The following VCAM1 variants were observed in gnomAD, a reference collection of about 807,000 sequenced individuals.
VCAM1 encodes the protein vascular cell adhesion molecule 1.
VCAM1 carries 41 observed loss-of-function variants against 63.8 expected under a neutral mutation model. That is an observed-to-expected ratio of 0.64 (90% CI 0.50 to 0.83). The LOEUF is 0.83. Ranked by LOEUF, VCAM1 falls within the 40% of genes least tolerant of loss-of-function variation. VCAM1 has a pLI of 0.00. For missense variants in VCAM1, 798 were observed against 875.5 expected (o/e 0.91, Z 1.12); for synonymous variants, 338 against 320.7 (o/e 1.05, Z -0.58).
At chr1:100,736,057 C>T (rs917523642) in intron 8 of VCAM1, 2 of 152,092 alleles carry the variant, frequency 1.3e-5, no homozygotes, top group Admixed American at 6.6e-5. Flanking sequence ...TAAGCCTAGC[C>T]CTGGGAAATT....
rs1660446305 is a variant in VCAM1 at position 100,731,310 on chromosome 1, A to G, written c.1317A>G (p.Glu439=). The change falls in exon 6 of 9, where the codon GAA becomes GAG. Residue 439 remains glutamate (E), a synonymous_variant. Transcript: ENST00000294728. The surrounding 1 kb of genome is among the most constrained non-coding windows in gnomAD (Gnocchi z 4.2). ...SVYPLDRLEI[E]LLKGETILEN... is the part of the protein sequence containing the mutation. ...ACCCCCTTGACCGGCTGGAGATTGA[A>G]TTACTTAAGGGGGAGACTATTCTGG... 1.2e-6 allele frequency: 2 copies of G among 1,613,850 alleles called. No individual in the cohort carries two copies. Among genetic ancestry groups the G allele is most frequent in the Non-Finnish European group, 1.7e-6 (2 of 1,179,856 alleles).
chr1:100,725,029 A>G (rs1372152550), intron 4 of VCAM1, 139 bp downstream of exon 4: 1 of 1,138,946 alleles, frequency 8.8e-7, no homozygotes, highest in Non-Finnish European at 1.2e-6. Flanking sequence ...TAGCACAAAT[A>G]TATGTTTATC....
Position 100,738,215 on chromosome 1 carries a change from T to C in VCAM1, c.2152T>C (p.Tyr718His). ...AATACCTGCCATTGGAATGATAATT[T>C]ACTTTGCAAGAAAAGCCAACATGAA... Reference protein sequence around the residue: ...LIIPAIGMIIYFARKANMKGS... With the variant: ...LIIPAIGMIIHFARKANMKGS... Residue 718 changes from tyrosine to histidine, a missense_variant, in exon 9 of 9, where the codon TAC (tyrosine) becomes CAC (histidine). Physicochemically the swap from Tyr to His is moderately conservative, Grantham distance 83 (BLOSUM62 2). Transcript: ENST00000294728. 1 of 1,613,868 alleles carries C rather than the reference T, an allele frequency of 6.2e-7. No homozygotes were observed. The highest frequency in any genetic ancestry group is 8.5e-7 in the Non-Finnish European group (1 of 1,179,800).
At chr1:100,720,867 A>G in intron 2 of VCAM1, 116 bp downstream of exon 2, 2 of 1,237,242 alleles carry the variant, frequency 1.6e-6, no homozygotes, top group Middle Eastern at 2.8e-4. Flanking sequence ...TTCTTGGCTA[A>G]AGAACATACA....
intron 5 of VCAM1, among the ~76,000 whole-genome samples, chr1:100,730,934 A>G (rs986208626): frequency 2.5e-4 from 38 of 152,162 alleles, no homozygotes; most frequent in African/African-American, 8.7e-4. Flanking sequence ...GCACACAGCA[A>G]GATTGCATAT....
chr1:100,734,848 G>T (rs947870599), intron 8 of VCAM1, 80 bp downstream of exon 8: 22 of 1,496,958 alleles, frequency 1.5e-5, no homozygotes, highest in Non-Finnish European at 1.8e-5. Flanking sequence ...AATATTTGAT[G>T]AATGAGTTGG....
At chr1:100,723,903 G>A (rs3176864) in intron 3 of VCAM1, among the ~76,000 whole-genome samples, 3,457 of 151,992 alleles carry the variant, frequency 0.023, 63 homozygotes, top group Non-Finnish European at 0.034. Context: ...GTGTAGGAGT[G>A]GCCTCACTGT....
intron 7 of VCAM1, 68 bp downstream of exon 7, chr1:100,732,752 T>C: frequency 6.8e-7 from 1 of 1,464,500 alleles, no homozygotes; most frequent in Non-Finnish European, 9.0e-7. Context: ...TGATTATGAG[T>C]AAAGTCTTTG....
intron 1 of VCAM1, among the ~76,000 whole-genome samples, chr1:100,720,152 G>T (rs111519951): frequency 1.1e-4 from 17 of 152,108 alleles, no homozygotes; most frequent in African/African-American, 3.9e-4. Context: ...TTTTCCAAAG[G>T]CAATTGAGTA....
At chr1:100,726,381 T>G (rs1029669103) in intron 4 of VCAM1, among the ~76,000 whole-genome samples, 2 of 152,078 alleles carry the variant, frequency 1.3e-5, no homozygotes, top group African/African-American at 4.8e-5. Flanking sequence ...AGGTGCTCAT[T>G]TTCTATAACT....
chr1:100,728,901 T>C (rs1660280434), intron 4 of VCAM1, among the ~76,000 whole-genome samples: 1 of 152,044 alleles, frequency 6.6e-6, no homozygotes, highest in Admixed American at 6.6e-5. Flanking sequence ...ATTTGTTAAA[T>C]GAATGAATCA....
chr1:100,724,519 T>G (rs1007202272), intron 3 of VCAM1, 105 bp from the exon 4 acceptor site: 3 of 1,347,576 alleles, frequency 2.2e-6, no homozygotes, highest in Non-Finnish European at 3.0e-6. Flanking sequence ...GGCAGAGTAA[T>G]TTCATCAAAT....
At chr1:100,728,699 G>A (rs1199455479) in intron 4 of VCAM1, among the ~76,000 whole-genome samples, 1 of 137,818 alleles carries the variant, frequency 7.3e-6, no homozygotes, top group African/African-American at 2.8e-5. Flanking sequence ...CAAAATTGTT[G>A]TGAGGATTAA....
intron 4 of VCAM1, among the ~76,000 whole-genome samples, chr1:100,728,489 G>T (rs1660262722): frequency 6.6e-6 from 1 of 151,868 alleles, no homozygotes; most frequent in Non-Finnish European, 1.5e-5. Flanking sequence ...TGATTTAGTT[G>T]TTGTAGCAAC....
chr1:100,737,647 T>C (rs1660703301), intron 8 of VCAM1: 1 of 152,250 alleles, frequency 6.6e-6, no homozygotes, highest in Non-Finnish European at 1.5e-5. Flanking sequence ...TACGATCTTA[T>C]TTGTGGCATT....
chr1:100,725,428 GT>G (rs1161674086), intron 4 of VCAM1, among the ~76,000 whole-genome samples: 1 of 151,990 alleles, frequency 6.6e-6, no homozygotes, highest in Non-Finnish European at 1.5e-5. Flanking sequence ...CACCAGATAG[GT>G]TTCTGGCACT....
At chr1:100,736,020 C>T (rs1222517955) in intron 8 of VCAM1, 1 of 152,142 alleles carries the variant, frequency 6.6e-6, no homozygotes, top group Non-Finnish European at 1.5e-5. Context: ...TTTCTTTAAT[C>T]CTTAATGCCT....
chr1:100,735,062 C>T (rs931691992), intron 8 of VCAM1: 11 of 300,442 alleles, frequency 3.7e-5, no homozygotes, highest in East Asian at 2.9e-4. Flanking sequence ...AACCTTTTCC[C>T]GGGAGGTTAT....
In VCAM1 at chr1:100,733,061, A is replaced by T. The variant is rs188231352; in HGVS notation, c.1792+377A>T. Reference sequence around the variant, plus strand: ...TGGCTGAATTGAACTCTGAGTGGCAATCTCACAAGATGGCCAGTAGTATTT... The same window carrying T: ...TGGCTGAATTGAACTCTGAGTGGCATTCTCACAAGATGGCCAGTAGTATTT... On this transcript the variant is annotated intron_variant, in intron 7 of 8. Coordinates refer to ENST00000294728, the MANE Select transcript of VCAM1 (RefSeq NM_001078.4). 3.3e-4 allele frequency among the ~76,000 whole-genome samples: 51 copies of T among 152,320 alleles called. No homozygotes were observed. In the South Asian group the frequency reaches 3.5e-3, roughly 11 times the overall value.
Sources: gnomAD v4.1 joint callset for allele counts (sites outside exome capture counted in the v4.1 genomes callset) on GRCh38, gnomAD v4.1.1 for gene constraint, Gnocchi (gnomAD v3.1) non-coding constraint, MANE v1.5 for transcripts, NCBI Gene and HGNC (gene_info 2026-07-23, HGNC 2026-07-21) for gene names.